The following AP3B1 variants were observed in gnomAD, a reference collection of about 807,000 sequenced individuals.
The protein encoded by AP3B1 is AP-3 complex subunit beta-1.
A neutral mutation model predicts 132.5 loss-of-function variants in AP3B1; 61 were observed. That is an observed-to-expected ratio of 0.46 (90% CI 0.37 to 0.57). The LOEUF is 0.57. Ranked by LOEUF, AP3B1 falls within the 20% of genes least tolerant of loss-of-function variation. The probability of loss-of-function intolerance (pLI) is 0.00; values close to 1 mark genes in which losing one functional copy is unlikely to be tolerated. For synonymous variants in AP3B1, 388 were observed against 438.3 expected (o/e 0.89, Z 1.43); for missense variants, 1,120 against 1,289.4 (o/e 0.87, Z 2.01).
intron 21 of AP3B1, among the ~76,000 whole-genome samples, chr5:78,095,157 G>C (rs1027755436): frequency 1.3e-5 from 2 of 152,058 alleles, no homozygotes; most frequent in Non-Finnish European, 2.9e-5. Context: ...CTTGGGTAGG[G>C]ACAATATTTT....
intron 2 of AP3B1, among the ~76,000 whole-genome samples, chr5:78,259,799 C>T (rs1255776816): frequency 6.6e-6 from 1 of 151,992 alleles, no homozygotes; most frequent in Non-Finnish European, 1.5e-5. Context: ...GAAACCCCAA[C>T]TCTACTAAAA....
intron 1 of AP3B1, among the ~76,000 whole-genome samples, chr5:78,290,704 C>T (rs1474473349): frequency 6.6e-6 from 1 of 152,078 alleles, no homozygotes; most frequent in African/African-American, 2.4e-5. Flanking sequence ...ATTCCAGCAC[C>T]TTGGGAGGAT....
intron 26 of AP3B1, among the ~76,000 whole-genome samples, chr5:78,011,720 G>T (rs183477710): frequency 4.6e-5 from 7 of 152,092 alleles, no homozygotes; most frequent in East Asian, 1.9e-4. Flanking sequence ...ATTAATAAAG[G>T]TTCACTTTTC....
chr5:78,285,454 A>G (rs1424285704), intron 1 of AP3B1, among the ~76,000 whole-genome samples: 1 of 152,082 alleles, frequency 6.6e-6, no homozygotes, highest in Admixed American at 6.6e-5. Context: ...GGAATGTCCC[A>G]GGACTGACTG....
intron 21 of AP3B1, among the ~76,000 whole-genome samples, chr5:78,098,677 C>T (rs1751002380): frequency 6.6e-6 from 1 of 152,152 alleles, no homozygotes; most frequent in African/African-American, 2.4e-5. Flanking sequence ...AACCACTGAA[C>T]AATGCTGCAA....
rs1414038385 is a variant in AP3B1 at position 78,096,566 on chromosome 5, G to A, written c.2470+4387C>T. Reference sequence around the variant, plus strand: ...GCCACCATCCCATCTAGGAAGTGAGGAGCGTCTCTGCCCGGCCGCCCATCG... The same window carrying A: ...GCCACCATCCCATCTAGGAAGTGAGAAGCGTCTCTGCCCGGCCGCCCATCG... On this transcript the variant is annotated intron_variant, in intron 21 of 26. Transcript: ENST00000255194. 2.0e-5 allele frequency among the ~76,000 whole-genome samples: 3 copies of A among 151,842 alleles called. No homozygotes were observed. The East Asian group carries it at 5.8e-4, about 29-fold the overall frequency.
At chr5:78,033,574 G>C (rs1747670079) in intron 24 of AP3B1, among the ~76,000 whole-genome samples, 1 of 151,870 alleles carries the variant, frequency 6.6e-6, no homozygotes, top group Non-Finnish European at 1.5e-5. Flanking sequence ...TAAAATGTAG[G>C]TAAAATGTCT....
At chr5:78,157,561 T>C (rs1437650176) in intron 13 of AP3B1, among the ~76,000 whole-genome samples, 1 of 152,218 alleles carries the variant, frequency 6.6e-6, no homozygotes, top group Non-Finnish European at 1.5e-5. Context: ...CCTGAGAACC[T>C]GACCTTATGA....
intron 22 of AP3B1, among the ~76,000 whole-genome samples, chr5:78,072,955 C>T (rs891681825): frequency 3.3e-5 from 5 of 151,840 alleles, no homozygotes; most frequent in South Asian, 2.1e-4. Context: ...CTCCTGACCT[C>T]GTGATCTGCC....
chr5:78,279,214 G>T (rs1201329792), intron 1 of AP3B1, among the ~76,000 whole-genome samples: 3 of 152,120 alleles, frequency 2.0e-5, no homozygotes, highest in Non-Finnish European at 2.9e-5. Context: ...TGAGATATGG[G>T]ATTGGAAGTT....
At chr5:78,294,397 C>T (rs1749663318) in intron 1 of AP3B1, 55 bp downstream of exon 1, 2 of 1,612,066 alleles carry the variant, frequency 1.2e-6, no homozygotes, top group South Asian at 2.2e-5. Flanking sequence ...GCGCCCACTC[C>T]TCCGAGTCCG....
chr5:78,243,102 A>T (rs1202124199), intron 2 of AP3B1, among the ~76,000 whole-genome samples: 1 of 152,178 alleles, frequency 6.6e-6, no homozygotes, highest in Non-Finnish European at 1.5e-5. Flanking sequence ...TTTATATTCT[A>T]TTTCCTTACC....
At chr5:78,079,578 A>G (rs1362158909) in intron 22 of AP3B1, among the ~76,000 whole-genome samples, 6 of 152,226 alleles carry the variant, frequency 3.9e-5, no homozygotes, top group Non-Finnish European at 8.8e-5. Flanking sequence ...ATGGAAGAAA[A>G]GGAATAGAAT....
chr5:78,133,644 A>G (rs144643261), intron 15 of AP3B1, among the ~76,000 whole-genome samples: 1 of 152,296 alleles, frequency 6.6e-6, no homozygotes, highest in East Asian at 1.9e-4. Flanking sequence ...GGCTCAATCC[A>G]AAACCAGATG....
chr5:78,021,344 T>C (rs1010388884), intron 24 of AP3B1, among the ~76,000 whole-genome samples: 2 of 152,150 alleles, frequency 1.3e-5, no homozygotes, highest in African/African-American at 2.4e-5. Flanking sequence ...GTGCTATTCA[T>C]TGACATTATT....
At chr5:78,122,328 G>T (rs867812490) in intron 17 of AP3B1, among the ~76,000 whole-genome samples, 4 of 152,118 alleles carry the variant, frequency 2.6e-5, no homozygotes, top group South Asian at 2.1e-4. Flanking sequence ...TTCAACATAG[G>T]GTTGGAAGTT....
At chr5:78,093,949 T>C (rs1381616993) in intron 21 of AP3B1, among the ~76,000 whole-genome samples, 1 of 152,256 alleles carries the variant, frequency 6.6e-6, no homozygotes. Flanking sequence ...TGCTCCACTG[T>C]CCTCTTAGTG....
intron 22 of AP3B1, among the ~76,000 whole-genome samples, chr5:78,065,713 C>G (rs1749260602): frequency 6.6e-6 from 1 of 152,176 alleles, no homozygotes; most frequent in African/African-American, 2.4e-5. Flanking sequence ...CTTGGTGGAT[C>G]AGTGCACTTA....
chr5:78,031,417 T>A (rs1747570713), intron 24 of AP3B1, among the ~76,000 whole-genome samples: 1 of 152,228 alleles, frequency 6.6e-6, no homozygotes, highest in African/African-American at 2.4e-5. Flanking sequence ...TAAAACTATA[T>A]TTCATCTCAT....
Sources: allele counts gnomAD v4.1 joint callset (sites outside exome capture counted in the v4.1 genomes callset), GRCh38; gene constraint gnomAD v4.1.1; transcripts MANE v1.5; gene names NCBI Gene and HGNC (gene_info 2026-07-23, HGNC 2026-07-21).